Variants in HSD17B14 observed in about 807,000 individuals in gnomAD.
The protein encoded by HSD17B14 is L-fucose dehydrogenase.
In HSD17B14, 32 loss-of-function variants were observed where a neutral mutation model predicts 32.2. The ratio of observed to expected loss-of-function variants is 0.99; its 90% CI spans 0.75 to 1.33. The LOEUF (loss-of-function observed/expected upper bound fraction) is 1.33, where lower values mean the gene tolerates loss of function less well. Ranked by LOEUF, HSD17B14 falls within the 40% of genes most tolerant of loss-of-function variation. HSD17B14 has a pLI of 0.00. For synonymous variants in HSD17B14, 140 were observed against 155.4 expected, an observed-to-expected ratio of 0.90 and a Z score of 0.74; for missense variants, 370 against 366.5, an observed-to-expected ratio of 1.01 and a Z score of -0.08.
intron 5 of HSD17B14, among the ~76,000 whole-genome samples, chr19:48,819,907 G>A (rs754664457): frequency 6.6e-6 from 1 of 152,166 alleles, no homozygotes; most frequent in Non-Finnish European, 1.5e-5. Flanking sequence ...CAGCATCTGG[G>A]GAGGCTGAAG....
intron 5 of HSD17B14, among the ~76,000 whole-genome samples, chr19:48,823,969 T>C (rs1352691563): frequency 2.7e-5 from 4 of 149,158 alleles, no homozygotes; most frequent in Non-Finnish European, 5.9e-5. Flanking sequence ...ATGTTTAACA[T>C]TGAGGCCAGG....
At chr19:48,830,759 G>T (rs1252627980) in intron 5 of HSD17B14, among the ~76,000 whole-genome samples, 1 of 152,072 alleles carries the variant, frequency 6.6e-6, no homozygotes, top group African/African-American at 2.4e-5. Flanking sequence ...CTGGGCTTAA[G>T]GGATCCTCTT....
intron 5 of HSD17B14, among the ~76,000 whole-genome samples, chr19:48,825,681 G>A (rs1005997430): frequency 2.6e-5 from 4 of 152,072 alleles, no homozygotes; most frequent in African/African-American, 9.7e-5. Flanking sequence ...CATTTCACAG[G>A]TGAGAAAACA....
At chr19:48,813,405 C>G in intron 8 of HSD17B14, 51 bp downstream of exon 8, 2 of 1,559,572 alleles carry the variant, frequency 1.3e-6, no homozygotes, top group Non-Finnish European at 1.7e-6. Flanking sequence ...ATCGCCATGC[C>G]CCCCACCCCC....
chr19:48,815,129 A>C lies in HSD17B14; in HGVS notation c.382T>G (p.Tyr128Asp). The change falls in exon 6 of 9, where the codon TAC becomes GAC. Residue 128 changes from tyrosine to aspartate, a missense_variant. Physicochemically the swap from Tyr to Asp is radical, Grantham distance 160. Coordinates refer to ENST00000263278, the MANE Select transcript of HSD17B14 (RefSeq NM_016246.3). ...ACATTCCCTTGACTCTTCCGCAGGT[A>C]GGGGAGGGCGAGCTAGGGAGACAAG... Reference protein sequence around the residue: ...TYTLTKLALPYLRKSQGNVIN... With the variant: ...TYTLTKLALPDLRKSQGNVIN... The C allele has an allele frequency of 6.2e-7, 1 of 1,613,756 alleles. No homozygotes were observed. Among genetic ancestry groups the C allele is most frequent in the Non-Finnish European group, 8.5e-7 (1 of 1,179,796 alleles).
intron 5 of HSD17B14, among the ~76,000 whole-genome samples, chr19:48,828,416 G>A (rs374992023): frequency 2.6e-5 from 4 of 151,944 alleles, no homozygotes; most frequent in Admixed American, 6.6e-5. Context: ...CAAGGAGTTC[G>A]AGACCAGCCT....
At chr19:48,815,233 A>G in intron 5 of HSD17B14, 92 bp from the exon 6 acceptor site, 1 of 890,364 alleles carries the variant, frequency 1.1e-6, no homozygotes, top group Non-Finnish European at 1.9e-6. Flanking sequence ...GTCTGGGATG[A>G]CGGCCACCTC....
intron 5 of HSD17B14, 40 bp from the exon 6 acceptor site, chr19:48,815,181 C>A: frequency 1.4e-6 from 2 of 1,479,020 alleles, no homozygotes; most frequent in Non-Finnish European, 1.9e-6. Context: ...ACAAGCCCTG[C>A]ATCTTCGCAG....
chr19:48,827,880 A>G lies in HSD17B14; in HGVS notation c.369+3788T>C, dbSNP rs1218838019. 3.2e-5 allele frequency among the ~76,000 whole-genome samples: 4 copies of G among 124,904 alleles called. No individual in the cohort carries two copies. In the Admixed American group the frequency reaches 3.8e-4, roughly 12 times the overall value. The allele number at this position is 124,904 out of a possible 152,430, so 81.9% of individuals were successfully genotyped here. On this transcript the variant is annotated intron_variant, in intron 5 of 8. Transcript: ENST00000263278. ...TTTTCTTTTTTTTTTTTTGAGACGG[A>G]GTCTCGCTCTATTGCCCAGGCTGGA...
intron 8 of HSD17B14, 33 bp downstream of exon 8, chr19:48,813,423 C>G: frequency 1.9e-6 from 3 of 1,576,032 alleles, no homozygotes; most frequent in Non-Finnish European, 2.6e-6. Context: ...CCCATGCCAC[C>G]TTCTACCACC....
At chr19:48,813,405 C>A (rs1489283975) in intron 8 of HSD17B14, 51 bp downstream of exon 8, 4 of 1,559,454 alleles carry the variant, frequency 2.6e-6, no homozygotes, top group Non-Finnish European at 3.5e-6. Flanking sequence ...ATCGCCATGC[C>A]CCCCACCCCC....
At position 48,831,735 on chromosome 19, in the gene HSD17B14, T is replaced by C; in HGVS notation, c.302A>G (p.Glu101Gly). ...GHHPPPQRPE[E>G]TSAQGFRQLL... The stretch of plus-strand genomic sequence containing the variant: ...CTGGCGGAATCCCTGGGCAGAGGTC[T>C]CCTCAGGCCTCTGTGGGGGTGGGTC... Residue 101 changes from glutamate to glycine, a missense_variant, in exon 5 of 9, where the codon GAG becomes GGG. Physicochemically the swap from Glu to Gly is moderately conservative, Grantham distance 98. Coordinates refer to ENST00000263278, the MANE Select transcript of HSD17B14 (RefSeq NM_016246.3). The C allele has an allele frequency of 6.2e-7, 1 of 1,612,318 alleles. No homozygotes were observed. Among genetic ancestry groups the C allele is most frequent in the Non-Finnish European group, 8.5e-7 (1 of 1,179,078 alleles).
In HSD17B14 at chr19:48,813,649, T is replaced by C. The variant is rs1244358454; in HGVS notation, c.542+14A>G. ...TCCCCCCAGGAGGCTCTCCGCCTGCTCAGAGCAGCTCACCAGTTGACTCGG... is the reference window on the plus strand; with the variant it reads ...TCCCCCCAGGAGGCTCTCCGCCTGCCCAGAGCAGCTCACCAGTTGACTCGG... On this transcript the variant is annotated intron_variant, in intron 7 of 8. Coordinates refer to ENST00000263278, the MANE Select transcript of HSD17B14 (RefSeq NM_016246.3). 1.2e-6 allele frequency: 2 copies of C among 1,614,086 alleles called. No homozygotes were observed. The highest frequency in any genetic ancestry group is 2.2e-5 in the East Asian group (1 of 44,884).
At chr19:48,834,057 C>T (rs2035400200) in intron 3 of HSD17B14, among the ~76,000 whole-genome samples, 1 of 152,160 alleles carries the variant, frequency 6.6e-6, no homozygotes, top group Non-Finnish European at 1.5e-5. Flanking sequence ...GTTAAATGTG[C>T]TAAGAGCCTT....
intron 2 of HSD17B14, 47 bp downstream of exon 2, chr19:48,835,758 T>C: frequency 6.2e-7 from 1 of 1,604,200 alleles, no homozygotes; most frequent in Non-Finnish European, 8.5e-7. Flanking sequence ...GACCTCTGGG[T>C]CTGAGGGAGG....
chr19:48,834,232 T>C lies in HSD17B14; in HGVS notation c.210+44A>G, dbSNP rs186977627. 13 of 1,482,286 alleles carry C rather than the reference T, an allele frequency of 8.8e-6. No homozygotes were observed. In the East Asian group the frequency reaches 2.9e-4, roughly 34 times the overall value. The allele number at this position is 1,482,286 out of a possible 1,614,324, so 91.8% of individuals were successfully genotyped here. Reference sequence around the variant, plus strand: ...AAATGGCTGGAGGAGAACAAAGAACTGGTCATTAGCGGAGATGGGGGTAGG... The same window carrying C: ...AAATGGCTGGAGGAGAACAAAGAACCGGTCATTAGCGGAGATGGGGGTAGG... On this transcript the variant is annotated intron_variant, in intron 3 of 8. Coordinates refer to ENST00000263278, the MANE Select transcript of HSD17B14 (RefSeq NM_016246.3).
At chr19:48,817,434 C>T (rs1475263819) in intron 5 of HSD17B14, among the ~76,000 whole-genome samples, 1 of 152,152 alleles carries the variant, frequency 6.6e-6, no homozygotes, top group African/African-American at 2.4e-5. Flanking sequence ...CTGCTTCGGC[C>T]TCCCAAAGTG....
At position 48,836,450 on chromosome 19, in the gene HSD17B14, C is replaced by T. The variant is rs766612903; in HGVS notation, c.-39G>A. 2 of 1,595,836 alleles carry T rather than the reference C, an allele frequency of 1.3e-6. No individual in the cohort carries two copies. The highest frequency in any genetic ancestry group is 1.7e-6 in the Non-Finnish European group (2 of 1,165,944). ...GTCTCTCTCTCTCTCTACTCTGGGC[C>T]TCTTTCACCTCCAAAGCCCCGTGAG... is the stretch of plus-strand genomic sequence containing the variant. On this transcript the variant is annotated 5_prime_UTR_variant, in exon 1 of 9. Coordinates refer to ENST00000263278, the MANE Select transcript of HSD17B14 (RefSeq NM_016246.3).
intron 5 of HSD17B14, among the ~76,000 whole-genome samples, chr19:48,819,932 GAGCCC>G (rs1347986954): frequency 1.3e-5 from 2 of 151,064 alleles, no homozygotes; most frequent in African/African-American, 4.9e-5. Context: ...AGGATCACTT[GAGCCC>G]AAGGAGTTTG....
Sources: allele counts gnomAD v4.1 joint callset (sites outside exome capture counted in the v4.1 genomes callset), GRCh38; gene constraint gnomAD v4.1.1; transcripts MANE v1.5; gene names NCBI Gene and HGNC (gene_info 2026-07-23, HGNC 2026-07-21).